Variants in ANK2 observed in about 807,000 individuals in gnomAD.
The protein encoded by ANK2 is ankyrin 2, also known as ankyrin-2.
Under a neutral mutation model 360.5 loss-of-function variants are expected in ANK2, and 83 were observed. That is an observed-to-expected ratio of 0.23 (90% CI 0.19 to 0.28). The LOEUF (loss-of-function observed/expected upper bound fraction) is 0.28. Ranked by LOEUF, ANK2 falls within the 10% of genes least tolerant of loss-of-function variation. The pLI is 1.00. For synonymous variants in ANK2, 1,740 were observed against 1,759.5 expected, an observed-to-expected ratio of 0.99 and a Z score of 0.28; for missense variants, 4,201 against 4,795.7, an observed-to-expected ratio of 0.88 and a Z score of 3.66.
Position 113,363,396 on chromosome 4 carries a change from T to C in ANK2, c.10815T>C (p.Asn3605=), listed in dbSNP as rs2096345459. The part of the protein sequence containing the change: ...EEQIHQIRIE[N]PNSLQDQSHA... The stretch of plus-strand genomic sequence containing the variant: ...AAATTCATCAAATTCGAATTGAAAA[T>C]CCCAACTCTCTTCAAGACCAGAGTC... The change falls in exon 40 of 46, where the codon AAT becomes AAC. Residue 3605 remains asparagine, a synonymous_variant. Transcript: ENST00000357077. 6.2e-7 allele frequency: 1 copy of C among 1,613,536 alleles called. No homozygotes were observed. The highest frequency in any genetic ancestry group is 2.2e-5 in the East Asian group (1 of 44,856).
chr4:112,899,149 A>G (rs1162634072), intron 1 of ANK2, among the ~76,000 whole-genome samples: 2 of 152,226 alleles, frequency 1.3e-5, no homozygotes, highest in Non-Finnish European at 2.9e-5. Context: ...AGTGAAAGCA[A>G]TAGTACAAAG....
At position 113,358,066 on chromosome 4, in the gene ANK2, G is replaced by C. The variant is rs2095914149; in HGVS notation, c.9448G>C (p.Gly3150Arg). The part of the protein sequence containing the change: ...EETLSEDVKE[G>R]ATGADPLPLE... ...GACTCTCTCTGAAGATGTGAAAGAA[G>C]GGGCTACTGGGGCTGATCCCCTACC... is the stretch of plus-strand genomic sequence containing the variant. The change falls in exon 38 of 46, where the codon GGG (glycine) becomes CGG (arginine). Residue 3150 changes from glycine (G) to arginine (R), a missense_variant. Transcript: ENST00000357077. 1 of 1,614,048 alleles carries C rather than the reference G, an allele frequency of 6.2e-7. No homozygotes were observed. Among genetic ancestry groups the C allele is most frequent in the Non-Finnish European group, 8.5e-7 (1 of 1,179,972 alleles).
chr4:112,888,198 C>T (rs944666928), intron 1 of ANK2, among the ~76,000 whole-genome samples: 4 of 151,892 alleles, frequency 2.6e-5, no homozygotes, highest in African/African-American at 9.7e-5. Flanking sequence ...GACAACAATT[C>T]ATAAGTTAAA....
At chr4:113,096,788 T>G (rs1193039099) in intron 1 of ANK2, among the ~76,000 whole-genome samples, 1 of 152,062 alleles carries the variant, frequency 6.6e-6, no homozygotes, top group Non-Finnish European at 1.5e-5. Context: ...CAATGCTGTA[T>G]GTAGAAACAT....
At chr4:113,181,926 G>A (rs939871886) in intron 2 of ANK2, among the ~76,000 whole-genome samples, 3 of 152,188 alleles carry the variant, frequency 2.0e-5, no homozygotes, top group Non-Finnish European at 4.4e-5. Flanking sequence ...GCAGAGAAGT[G>A]ATTAGAGGGT....
At chr4:113,266,120 C>T (rs1305489049) in intron 14 of ANK2, among the ~76,000 whole-genome samples, 3 of 152,164 alleles carry the variant, frequency 2.0e-5, no homozygotes, top group South Asian at 2.1e-4. Flanking sequence ...CCCCTACCCC[C>T]GACAGTCTCC....
intron 5 of ANK2, among the ~76,000 whole-genome samples, chr4:113,234,336 CAT>C (rs1212168861): frequency 6.6e-6 from 1 of 152,188 alleles, no homozygotes; most frequent in Non-Finnish European, 1.5e-5. Flanking sequence ...GCAAATAAAT[CAT>C]GTGAGGTTTT....
chr4:113,150,101 C>T (rs1343414334), intron 1 of ANK2, among the ~76,000 whole-genome samples: 1 of 151,830 alleles, frequency 6.6e-6, no homozygotes, highest in Non-Finnish European at 1.5e-5. Context: ...TCTGGGAACA[C>T]CTCGTGGACA....
the ANK2 span, among the ~76,000 whole-genome samples, chr4:112,731,866 A>G: frequency 6.6e-6 from 1 of 152,238 alleles, no homozygotes; most frequent in African/African-American, 2.4e-5. Context: ...CACAGGCACA[A>G]TCATTGCACA....
chr4:113,011,866 G>C (rs1285062250), intron 2 of ANK2, among the ~76,000 whole-genome samples: 1 of 151,814 alleles, frequency 6.6e-6, no homozygotes, highest in African/African-American at 2.4e-5. Flanking sequence ...GTTATGTAAG[G>C]GTTGTGCAAA....
intron 1 of ANK2, among the ~76,000 whole-genome samples, chr4:112,846,526 G>T (rs1430053032): frequency 6.6e-6 from 1 of 151,762 alleles, no homozygotes; most frequent in African/African-American, 2.4e-5. Flanking sequence ...GTTTCCTTCT[G>T]CCCCATTTTA....
intron 42 of ANK2, 73 bp from the exon 43 acceptor site, chr4:113,369,441 T>C (rs1464188898): frequency 6.5e-7 from 1 of 1,545,762 alleles, no homozygotes; most frequent in Non-Finnish European, 8.9e-7. Flanking sequence ...CCATCTTGCC[T>C]TTCGATTTCC....
In ANK2 at chr4:113,354,556, A is replaced by G; in HGVS notation, c.5938A>G (p.Lys1980Glu). Reference protein sequence around the residue: ...EKQPPVSPTSKTERIEETMSV... With the variant: ...EKQPPVSPTSETERIEETMSV... ...GCAACCACCTGTATCCCCCACTTCA[A>G]AAACAGAGAGGATTGAGGAAACCAT... The change falls in exon 38 of 46, where the codon AAA becomes GAA. Residue 1980 changes from lysine (K) to glutamate (E), a missense_variant. Lys to Glu is a moderately conservative substitution (Grantham distance 56). This residue lies in a region of ANK2 where 2,642 missense variants were observed against 2,714.5 expected (regional missense o/e 0.97). Transcript: ENST00000357077. 6.2e-7 allele frequency: 1 copy of G among 1,614,122 alleles called. No individual in the cohort carries two copies. Among genetic ancestry groups the G allele is most frequent in the Non-Finnish European group, 8.5e-7 (1 of 1,179,998 alleles).
the ANK2 span, among the ~76,000 whole-genome samples, chr4:112,771,346 G>T: frequency 0.14 from 21,182 of 152,040 alleles, 2,216 homozygotes; most frequent in East Asian, 0.49. Flanking sequence ...TCGAACCCCC[G>T]ATCTCAGGTG....
At chr4:113,170,854 G>A (rs2097916970) in intron 1 of ANK2, among the ~76,000 whole-genome samples, 1 of 152,170 alleles carries the variant, frequency 6.6e-6, no homozygotes, top group Non-Finnish European at 1.5e-5. Context: ...GGGTTATAAA[G>A]GGGGCAAGTT....
intron 1 of ANK2, among the ~76,000 whole-genome samples, chr4:113,058,804 C>T (rs1458236490): frequency 1.3e-5 from 2 of 152,282 alleles, no homozygotes; most frequent in Middle Eastern, 3.4e-3. Context: ...GCCATTAGAA[C>T]TGCTAGAGAT....
intron 2 of ANK2, among the ~76,000 whole-genome samples, chr4:112,993,808 G>A (rs2047666078): frequency 6.6e-6 from 1 of 152,006 alleles, no homozygotes; most frequent in African/African-American, 2.4e-5. Flanking sequence ...CTGGGTTCAA[G>A]CAATTCTCCT....
intron 32 of ANK2, among the ~76,000 whole-genome samples, chr4:113,340,622 G>A (rs2094159669): frequency 6.6e-6 from 1 of 152,174 alleles, no homozygotes; most frequent in Admixed American, 6.5e-5. Context: ...CTTGAGCCCA[G>A]AGAGGTCGAG....
intron 31 of ANK2, among the ~76,000 whole-genome samples, chr4:113,338,618 C>T (rs1489955244): frequency 2.2e-5 from 3 of 139,142 alleles, no homozygotes; most frequent in Admixed American, 7.6e-5. Context: ...GGCACAATCT[C>T]GGCTCACTGC....
Sources: allele counts gnomAD v4.1 joint callset (sites outside exome capture counted in the v4.1 genomes callset), GRCh38; gene constraint gnomAD v4.1.1; regional missense constraint gnomAD v4.1.1; transcripts MANE v1.5; gene names NCBI Gene and HGNC (gene_info 2026-07-23, HGNC 2026-07-21).